The following MAK16 variants were observed in gnomAD, a reference collection of about 807,000 sequenced individuals.
MAK16 encodes the protein MAK16 homolog.
A neutral mutation model predicts 49.9 loss-of-function variants in MAK16; 12 were observed. The observed-to-expected ratio is 0.24, with a 90% confidence interval of 0.15 to 0.39. MAK16 has a LOEUF of 0.39. Ranked by LOEUF, MAK16 falls within the 10% of genes least tolerant of loss-of-function variation. The probability of loss-of-function intolerance (pLI) is 1.00; values close to 1 mark genes in which losing one functional copy is unlikely to be tolerated. For synonymous variants in MAK16, 115 were observed against 126.4 expected, an observed-to-expected ratio of 0.91 and a Z score of 0.60; for missense variants, 292 against 363.7, an observed-to-expected ratio of 0.80 and a Z score of 1.60.
chr8:33,485,428 C>A, intron 1 of MAK16: 1 of 653,732 alleles, frequency 1.5e-6, no homozygotes, highest in Non-Finnish European at 2.7e-6. Flanking sequence ...GTTGTGAGCA[C>A]AGGACTCCGT....
Position 33,491,670 on chromosome 8 carries a change from A to G in MAK16, c.447+1331A>G, listed in dbSNP as rs368111976. 3.7e-4 allele frequency among the ~76,000 whole-genome samples: 40 copies of G among 108,956 alleles called. 1 individual carries two copies. The highest frequency in any genetic ancestry group is 1.9e-3 in the South Asian group (7 of 3,714). The allele number at this position is 108,956 out of a possible 152,430, so 71.5% of individuals were successfully genotyped here. ...TTTTTTTGAGACAAGGTCTCACTCT[A>G]TTGTCCAGGCTGGAGTGCAGTGGTG... On this transcript the variant is annotated intron_variant, in intron 6 of 9. Transcript: ENST00000360128.
chr8:33,498,916 T>C lies in MAK16; in HGVS notation c.*287T>C. ...TGAATCTGGGATGAGATGACGGATG[T>C]AAATATTTCTAAATTTTAAATGCTA... is the stretch of plus-strand genomic sequence containing the variant. On this transcript the variant is annotated 3_prime_UTR_variant, in exon 10 of 10. Coordinates refer to ENST00000360128, the MANE Select transcript of MAK16 (RefSeq NM_032509.4). The C allele has an allele frequency of 1.7e-6, 1 of 577,600 alleles. No individual in the cohort carries two copies. Among genetic ancestry groups the C allele is most frequent in the Admixed American group, 3.1e-5 (1 of 31,766 alleles). The allele number at this position is 577,600 out of a possible 1,614,324, so 35.8% of individuals were successfully genotyped here. A position where few individuals can be genotyped will look rare whatever the true frequency, so the allele number is the denominator to read the frequency against.
Position 33,488,563 on chromosome 8 carries a change from G to A in MAK16, c.109G>A (p.Gly37Arg). 2 of 1,614,106 alleles carry A rather than the reference G, an allele frequency of 1.2e-6. No homozygotes were observed. Among genetic ancestry groups the A allele is most frequent in the Non-Finnish European group, 1.7e-6 (2 of 1,180,030 alleles). ...SFCRNEYSLT[G>R]LCNRSSCPLA... Reference sequence around the variant, plus strand: ...CTGCCGAAATGAATATAGCCTGACTGGACTGTGTAATCGGTCATCCTGTCC... The same window carrying A: ...CTGCCGAAATGAATATAGCCTGACTAGACTGTGTAATCGGTCATCCTGTCC... The change falls in exon 3 of 10, where the codon GGA (glycine) becomes AGA (arginine). Residue 37 changes from glycine to arginine, a missense_variant. By Grantham distance (125) the Gly-to-Arg change is moderately radical. Coordinates refer to ENST00000360128, the MANE Select transcript of MAK16 (RefSeq NM_032509.4).
intron 6 of MAK16, among the ~76,000 whole-genome samples, chr8:33,494,051 A>G (rs1170047491): frequency 2.6e-5 from 4 of 152,140 alleles, no homozygotes; most frequent in African/African-American, 9.7e-5. Flanking sequence ...CAAATTTGGA[A>G]TATTTTTCTT....
chr8:33,496,181 G>A (rs1808855977), intron 7 of MAK16, among the ~76,000 whole-genome samples: 1 of 152,054 alleles, frequency 6.6e-6, no homozygotes, highest in Non-Finnish European at 1.5e-5. Flanking sequence ...CCAGATTTCT[G>A]TATAAAAGCC....
At chr8:33,491,077 C>T (rs1451945373) in intron 6 of MAK16, among the ~76,000 whole-genome samples, 1 of 152,186 alleles carries the variant, frequency 6.6e-6, no homozygotes, top group Non-Finnish European at 1.5e-5. Flanking sequence ...AACATAATGA[C>T]CTCCGGTTCC....
intron 7 of MAK16, among the ~76,000 whole-genome samples, chr8:33,495,926 G>T (rs1443151172): frequency 6.6e-6 from 1 of 151,790 alleles, no homozygotes; most frequent in African/African-American, 2.4e-5. Flanking sequence ...ATCTTGGCCA[G>T]GCTGGTCTTG....
chr8:33,495,442 C>A, intron 6 of MAK16, 100 bp from the exon 7 acceptor site: 1 of 967,558 alleles, frequency 1.0e-6, no homozygotes, highest in Non-Finnish European at 1.6e-6. Context: ...GAAATAATTA[C>A]ATTGTCTTTC....
chr8:33,498,553 T>C lies in MAK16; in HGVS notation c.827T>C (p.Leu276Pro), dbSNP rs755576086. The change falls in exon 10 of 10, where the codon CTG becomes CCG. Residue 276 changes from leucine (L) to proline (P), a missense_variant. Coordinates refer to ENST00000360128, the MANE Select transcript of MAK16 (RefSeq NM_032509.4). Reference protein sequence around the residue: ...HKGKMPLRGPLQRKRAYVEIE... With the variant: ...HKGKMPLRGPPQRKRAYVEIE... ...GGCAAAATGCCCTTGAGAGGACCAC[T>C]GCAGAGAAAACGAGCCTATGTGGAA... is the stretch of plus-strand genomic sequence containing the variant. 1 of 1,614,022 alleles carries C rather than the reference T, an allele frequency of 6.2e-7. No individual in the cohort carries two copies. Among genetic ancestry groups the C allele is most frequent in the Non-Finnish European group, 8.5e-7 (1 of 1,180,026 alleles).
rs759436077 is a variant in MAK16, at chr8:33,500,516, T to TCA, written c.*1888_*1889dup. On this transcript the variant is annotated 3_prime_UTR_variant, in exon 10 of 10. Transcript: ENST00000360128. Reference sequence around the variant, plus strand: ...CTGGAATCAGGAAGAAAAGCTATGTTCATACTCTAAATCTGGATATTAAAA... The same window carrying TCA: ...CTGGAATCAGGAAGAAAAGCTATGTTCACATACTCTAAATCTGGATATTAAAA... The TCA allele has an allele frequency of 6.4e-5, 104 of 1,612,998 alleles. No individual in the cohort carries two copies. Among genetic ancestry groups the TCA allele is most frequent in the Non-Finnish European group, 8.7e-5 (103 of 1,179,618 alleles).
At chr8:33,488,049 C>G (rs1015174216) in intron 1 of MAK16, among the ~76,000 whole-genome samples, 2 of 152,194 alleles carry the variant, frequency 1.3e-5, no homozygotes, top group African/African-American at 4.8e-5. Flanking sequence ...CTGCCCCAGC[C>G]TCCCGAGTAG....
At chr8:33,485,248 C>G (rs780851347) in intron 1 of MAK16, 27 bp downstream of exon 1, 5 of 1,614,094 alleles carry the variant, frequency 3.1e-6, no homozygotes, top group Non-Finnish European at 3.4e-6. Flanking sequence ...TGTTCTTACA[C>G]CCGGGGTTTG....
chr8:33,493,367 T>C (rs1585315571), intron 6 of MAK16, among the ~76,000 whole-genome samples: 1 of 152,300 alleles, frequency 6.6e-6, no homozygotes, highest in East Asian at 1.9e-4. Context: ...TTGGCCAGGC[T>C]GGTCTCAAAC....
In MAK16 at chr8:33,499,509, TCTC is replaced by T. The variant is rs899490425; in HGVS notation, c.*883_*885del. 50 of 427,864 alleles carry T rather than the reference TCTC, an allele frequency of 1.2e-4. No individual in the cohort carries two copies. Among genetic ancestry groups the T allele is most frequent in the African/African-American group, 7.3e-4 (36 of 49,476 alleles). The allele number at this position is 427,864 out of a possible 1,614,324, so 26.5% of individuals were successfully genotyped here. A position where few individuals can be genotyped will look rare whatever the true frequency, so the allele number is the denominator to read the frequency against. ...AAAACTGTGTTAATGTACTTGCAAA[TCTC>T]CTGCTGGCTCATGAAACAGCAGAAT... On this transcript the variant is annotated 3_prime_UTR_variant, in exon 10 of 10. Transcript: ENST00000360128.
chr8:33,488,992 G>C lies in MAK16; in HGVS notation c.245G>C (p.Arg82Pro). Residue 82 changes from arginine (R) to proline (P), a missense_variant, in exon 5 of 10, where the codon CGG (arginine) becomes CCG (proline). Coordinates refer to ENST00000360128, the MANE Select transcript of MAK16 (RefSeq NM_032509.4). ...AFPRRLWERV[R>P]LSKNYEKALE... The stretch of plus-strand genomic sequence containing the variant: ...CTTCCTGTTTCTGTTTGGTAGGTCC[G>C]GCTTAGTAAAAACTATGAGAAAGCA... 2.5e-6 allele frequency: 4 copies of C among 1,613,992 alleles called. No individual in the cohort carries two copies. The highest frequency in any genetic ancestry group is 3.4e-6 in the Non-Finnish European group (4 of 1,180,028).
intron 6 of MAK16, 57 bp downstream of exon 6, chr8:33,490,396 T>A: frequency 1.4e-6 from 2 of 1,380,292 alleles, no homozygotes; most frequent in South Asian, 2.4e-5. Context: ...GGGTCTCTTA[T>A]AGATTCAGTC....
chr8:33,499,021 A>G lies in MAK16; in HGVS notation c.*392A>G, dbSNP rs1161073449. 18 of 666,984 alleles carry G rather than the reference A, an allele frequency of 2.7e-5. No individual in the cohort carries two copies. The East Asian group carries it at 4.2e-4, about 15-fold the overall frequency. 41.3% of individuals were successfully genotyped at this position (666,984 alleles called of 1,614,324 possible). ...AATTTTTTCTTGTTCTACTTTCCCTATTCTTATGGAGGTAAAAGGAAAGGA... is the reference window on the plus strand; with the variant it reads ...AATTTTTTCTTGTTCTACTTTCCCTGTTCTTATGGAGGTAAAAGGAAAGGA... On this transcript the variant is annotated 3_prime_UTR_variant, in exon 10 of 10. Transcript: ENST00000360128.
rs552580164 is a variant in MAK16, at chr8:33,495,391, T to C, written c.448-151T>C. ...TTTACAAGAGAAAGAAGAAGAAATCTATCTCGTTGGAAAGGCAAAAGCCAG... is the reference window on the plus strand; with the variant it reads ...TTTACAAGAGAAAGAAGAAGAAATCCATCTCGTTGGAAAGGCAAAAGCCAG... On this transcript the variant is annotated intron_variant, in intron 6 of 9. Transcript: ENST00000360128. The C allele has an allele frequency of 2.5e-5, 16 of 631,916 alleles. No individual in the cohort carries two copies. The African/African-American group carries it at 3.0e-4, about 12-fold the overall frequency. The allele number at this position is 631,916 out of a possible 1,614,324, so 39.1% of individuals were successfully genotyped here.
At position 33,500,237 on chromosome 8, in the gene MAK16, G is replaced by T; in HGVS notation, c.*1608G>T. On this transcript the variant is annotated 3_prime_UTR_variant, in exon 10 of 10. Transcript: ENST00000360128. Reference sequence around the variant, plus strand: ...CCCTCCATGTTCATTTCCAGACTTGGTCAGGCACATACATAGTAAATTATA... The same window carrying T: ...CCCTCCATGTTCATTTCCAGACTTGTTCAGGCACATACATAGTAAATTATA... The T allele has an allele frequency of 1.3e-6, 2 of 1,482,044 alleles. No homozygotes were observed. Among genetic ancestry groups the T allele is most frequent in the South Asian group, 1.2e-5 (1 of 85,650 alleles). The allele number at this position is 1,482,044 out of a possible 1,614,324, so 91.8% of individuals were successfully genotyped here.
Sources: allele counts gnomAD v4.1 joint callset (sites outside exome capture counted in the v4.1 genomes callset), GRCh38; gene constraint gnomAD v4.1.1; transcripts MANE v1.5; gene names NCBI Gene and HGNC (gene_info 2026-07-23, HGNC 2026-07-21).